The following STK32C variants were observed in gnomAD, a reference collection of about 807,000 sequenced individuals.
The protein encoded by STK32C is serine/threonine kinase 32C.
A neutral mutation model predicts 56.5 loss-of-function variants in STK32C; 31 were observed. The ratio of observed to expected loss-of-function variants is 0.55; its 90% confidence interval spans 0.41 to 0.74. The LOEUF (loss-of-function observed/expected upper bound fraction) is 0.74, where lower values mean the gene tolerates loss of function less well. STK32C is among the 30% of genes least tolerant of loss of function. The probability of loss-of-function intolerance (pLI) is 0.00; values close to 1 mark genes in which losing one functional copy is unlikely to be tolerated. For missense variants in STK32C, 544 were observed against 676.9 expected (o/e 0.80, Z 2.18); for synonymous variants, 309 against 289.4 (o/e 1.07, Z -0.69).
At chr10:132,228,592 G>C (rs970277304) in intron 2 of STK32C, among the ~76,000 whole-genome samples, 1 of 152,250 alleles carries the variant, frequency 6.6e-6, no homozygotes, top group African/African-American at 2.4e-5. Context: ...TGTGCGGGGA[G>C]CGCCCCTCAC....
chr10:132,331,156 G>A (rs1346224336), intron 1 of STK32C, among the ~76,000 whole-genome samples: 2 of 134,006 alleles, frequency 1.5e-5, no homozygotes, highest in African/African-American at 5.8e-5. Context: ...GGCCGAGATC[G>A]CGCTACTGCA....
intron 10 of STK32C, among the ~76,000 whole-genome samples, chr10:132,218,904 G>A (rs1013030531): frequency 6.6e-6 from 1 of 152,226 alleles, no homozygotes. Flanking sequence ...CTACAACGTG[G>A]ACGGGCCTCA....
chr10:132,238,575 T>C (rs1188288565), intron 2 of STK32C, among the ~76,000 whole-genome samples: 1 of 152,102 alleles, frequency 6.6e-6, no homozygotes, highest in African/African-American at 2.4e-5. Flanking sequence ...CCTGAGGTGA[T>C]TCATGCAGGG....
chr10:132,295,350 T>A (rs2065705913), intron 1 of STK32C, among the ~76,000 whole-genome samples: 1 of 152,158 alleles, frequency 6.6e-6, no homozygotes, highest in Non-Finnish European at 1.5e-5. Context: ...TGCAGCATCG[T>A]GCAGTGCCCG....
chr10:132,297,515 T>TTCC (rs1162995231), intron 1 of STK32C, among the ~76,000 whole-genome samples: 6 of 152,362 alleles, frequency 3.9e-5, no homozygotes, highest in African/African-American at 1.4e-4. Context: ...CAGATTTTTT[T>TTCC]TCCTCCCCTT....
intron 1 of STK32C, among the ~76,000 whole-genome samples, chr10:132,298,833 C>G (rs2065832983): frequency 6.6e-6 from 1 of 152,140 alleles, no homozygotes; most frequent in South Asian, 2.1e-4. Context: ...CCAGTCAAAC[C>G]TTCAGGTGAC....
At chr10:132,305,524 G>C (rs2138396412) in intron 1 of STK32C, among the ~76,000 whole-genome samples, 1 of 152,302 alleles carries the variant, frequency 6.6e-6, no homozygotes, top group African/African-American at 2.4e-5. Flanking sequence ...CACAGCACCA[G>C]GGCCTCCTTA....
At chr10:132,252,040 A>C (rs1383103339) in intron 1 of STK32C, among the ~76,000 whole-genome samples, 1 of 151,958 alleles carries the variant, frequency 6.6e-6, no homozygotes, top group Non-Finnish European at 1.5e-5. Context: ...CCTCCGACCC[A>C]CGCCTCCCCC....
At chr10:132,296,767 AG>A (rs756596566) in intron 1 of STK32C, among the ~76,000 whole-genome samples, 47 of 152,240 alleles carry the variant, frequency 3.1e-4, no homozygotes, top group Non-Finnish European at 5.7e-4. Context: ...GGAGACAGAA[AG>A]GGGCCGCTGT....
chr10:132,234,748 T>A (rs1417714420), intron 2 of STK32C, among the ~76,000 whole-genome samples: 1 of 152,178 alleles, frequency 6.6e-6, no homozygotes, highest in African/African-American at 2.4e-5. Context: ...GTGGCTCTCA[T>A]GAGCTGCTGG....
At chr10:132,283,521 C>A (rs545187048) in intron 1 of STK32C, among the ~76,000 whole-genome samples, 1 of 152,334 alleles carries the variant, frequency 6.6e-6, no homozygotes, top group East Asian at 1.9e-4. Context: ...AGGGCTCCAG[C>A]CTCTAGAAAG....
Position 132,249,049 on chromosome 10 carries a change from T to G in STK32C, c.263-3094A>C, listed in dbSNP as rs765678302. 22 of 476,064 alleles carry G rather than the reference T, an allele frequency of 4.6e-5. No individual in the cohort carries two copies. In the East Asian group the frequency reaches 1.3e-3, roughly 27 times the overall value. The allele number at this position is 476,064 out of a possible 1,614,324, so 29.5% of individuals were successfully genotyped here. On this transcript the variant is annotated intron_variant, in intron 1 of 11. Transcript: ENST00000298630. Reference sequence around the variant, plus strand: ...GCACACCTGCAAAGCCTCCCGACTGTGCGACGGAGGCGGCGGCTCCGGCAG... The same window carrying G: ...GCACACCTGCAAAGCCTCCCGACTGGGCGACGGAGGCGGCGGCTCCGGCAG...
chr10:132,237,597 C>T (rs1020526584), intron 2 of STK32C, among the ~76,000 whole-genome samples: 3 of 152,240 alleles, frequency 2.0e-5, no homozygotes, highest in Non-Finnish European at 4.4e-5. Flanking sequence ...GCAGTGGTGG[C>T]GGAGGTGAAC....
At chr10:132,211,284 G>A (rs1249757258) in intron 10 of STK32C, among the ~76,000 whole-genome samples, 2 of 152,200 alleles carry the variant, frequency 1.3e-5, no homozygotes, top group East Asian at 1.9e-4. Context: ...GGGTCCGACT[G>A]AGCCGCTGGG....
intron 1 of STK32C, among the ~76,000 whole-genome samples, chr10:132,318,295 G>A (rs979807087): frequency 6.7e-6 from 1 of 148,964 alleles, no homozygotes; most frequent in Non-Finnish European, 1.5e-5. Flanking sequence ...GAGAGAGAAA[G>A]AAAACAATCT....
At chr10:132,239,507 G>C (rs1332453082) in intron 2 of STK32C, among the ~76,000 whole-genome samples, 1 of 152,250 alleles carries the variant, frequency 6.6e-6, no homozygotes, top group Admixed American at 6.5e-5. Context: ...CTGCCAGATG[G>C]GGGTCGCTCC....
chr10:132,290,474 G>A (rs567228669), intron 1 of STK32C, among the ~76,000 whole-genome samples: 5 of 152,326 alleles, frequency 3.3e-5, no homozygotes, highest in East Asian at 1.9e-4. Flanking sequence ...GAGAGGATGC[G>A]ATTACTGTGC....
intron 2 of STK32C, among the ~76,000 whole-genome samples, chr10:132,229,066 TC>T (rs1254679717): frequency 6.6e-6 from 1 of 151,894 alleles, no homozygotes. Context: ...AGCAGGGGGG[TC>T]CCTTGTGGCC....
At chr10:132,322,579 C>G (rs1370915671), downstream of STK32C, among the ~76,000 whole-genome samples, 1 of 152,214 alleles carries the variant, frequency 6.6e-6, no homozygotes, top group Non-Finnish European at 1.5e-5. Context: ...CTGTGGGAAA[C>G]TACACAGGTA....
Sources: gnomAD v4.1 joint callset for allele counts (sites outside exome capture counted in the v4.1 genomes callset) on GRCh38, gnomAD v4.1.1 for gene constraint, MANE v1.5 for transcripts, NCBI Gene and HGNC (gene_info 2026-07-23, HGNC 2026-07-21) for gene names.